LSM12: variants seen among roughly 807,000 people sequenced by gnomAD.
LSM12 encodes the protein protein LSM12.
For missense variants in LSM12, 108 were observed against 238.9 expected, an observed-to-expected ratio of 0.45 and a Z score of 3.61; for synonymous variants, 74 against 87.3, an observed-to-expected ratio of 0.85 and a Z score of 0.85.
chr17:44,064,592 G>A (rs1475069230), intron 1 of LSM12, among the ~76,000 whole-genome samples: 1 of 152,132 alleles, frequency 6.6e-6, no homozygotes, highest in Non-Finnish European at 1.5e-5. Context: ...AATTAGCCGG[G>A]TGTGGTGGCA....
intron 2 of LSM12, among the ~76,000 whole-genome samples, chr17:44,060,862 C>T (rs1481906930): frequency 6.6e-6 from 1 of 152,294 alleles, no homozygotes; most frequent in South Asian, 2.1e-4. Flanking sequence ...ACTACCCCAC[C>T]CCCTCTAAAT....
upstream of LSM12, chr17:44,067,355 G>A (rs138250105): frequency 2.5e-4 from 38 of 152,340 alleles, no homozygotes; most frequent in Admixed American, 6.5e-4. Flanking sequence ...ATAGTGGAAA[G>A]AACATTGGCT....
In LSM12 at chr17:44,037,505, G is replaced by A. The variant is rs774391850; in HGVS notation, c.402C>T (p.Ile134=). The stretch of plus-strand genomic sequence containing the variant: ...TAATAACAACTTCTTCCATGACTAC[G>A]ATGTTTTTTTCTTGCCATTTACAGT... ...IKDCKWQEKN[I]VVMEEVVITP... The change falls in exon 4 of 5, where the codon ATC becomes ATT. Residue 134 remains isoleucine (I), a synonymous_variant. Transcript: ENST00000293406. The A allele has an allele frequency of 1.2e-5, 19 of 1,609,852 alleles. No individual in the cohort carries two copies. Among genetic ancestry groups the A allele is most frequent in the Non-Finnish European group, 1.4e-5 (16 of 1,178,388 alleles).
chr17:44,065,131 C>T (rs2049854562), intron 1 of LSM12, among the ~76,000 whole-genome samples: 1 of 147,280 alleles, frequency 6.8e-6, no homozygotes, highest in South Asian at 2.2e-4. Flanking sequence ...GAAACTCCGT[C>T]TCAAAAAACA....
intron 2 of LSM12, among the ~76,000 whole-genome samples, chr17:44,062,978 G>C (rs896777699): frequency 1.3e-5 from 2 of 151,990 alleles, no homozygotes; most frequent in Admixed American, 1.3e-4. Flanking sequence ...GCTGAGGCAC[G>C]AGAATCACTT....
chr17:44,047,879 G>A (rs955891986), intron 2 of LSM12, among the ~76,000 whole-genome samples: 27 of 151,786 alleles, frequency 1.8e-4, no homozygotes, highest in Middle Eastern at 3.4e-3. Context: ...CACCAAGCCC[G>A]GGCTGCCTTA....
intron 3 of LSM12, among the ~76,000 whole-genome samples, chr17:44,037,995 T>A (rs2144064791): frequency 6.6e-6 from 1 of 152,286 alleles, no homozygotes; most frequent in Admixed American, 6.5e-5. Flanking sequence ...GATGAGCAGA[T>A]GTGGCCTGCT....
chr17:44,050,117 G>T (rs982103970), intron 2 of LSM12, among the ~76,000 whole-genome samples: 1 of 151,930 alleles, frequency 6.6e-6, no homozygotes, highest in African/African-American at 2.4e-5. Context: ...TTATTTTTTT[G>T]AGATGGAGTT....
chr17:44,038,891 A>G (rs1369590384), intron 3 of LSM12, among the ~76,000 whole-genome samples: 1 of 151,908 alleles, frequency 6.6e-6, no homozygotes, highest in Non-Finnish European at 1.5e-5. Context: ...ACAGCCTCAA[A>G]CAGCTCTGAT....
intron 3 of LSM12, among the ~76,000 whole-genome samples, chr17:44,037,891 A>T (rs888745126): frequency 6.6e-6 from 1 of 152,224 alleles, no homozygotes; most frequent in Non-Finnish European, 1.5e-5. Context: ...TCTTGTAACA[A>T]ACATTTTAGG....
At chr17:44,042,345 A>C (rs1230188639) in intron 2 of LSM12, among the ~76,000 whole-genome samples, 4 of 152,106 alleles carry the variant, frequency 2.6e-5, no homozygotes, top group African/African-American at 9.7e-5. Context: ...TAATGCTTGG[A>C]ATCTTCAAAC....
At position 44,061,242 on chromosome 17, in the gene LSM12, G is replaced by A. The variant is rs1194803354; in HGVS notation, c.258+2559C>T. 3.3e-5 allele frequency among the ~76,000 whole-genome samples: 5 copies of A among 151,374 alleles called. No homozygotes were observed. The East Asian group carries it at 7.7e-4, about 23-fold the overall frequency. ...TGAGGCAGGAGAATCACTTGAACCC[G>A]GGAGGCGGAGGTTGCGGTGAGCCGA... On this transcript the variant is annotated intron_variant, in intron 2 of 4. Transcript: ENST00000293406.
rs140148362 is a variant in LSM12, at chr17:44,042,211, C to T, written c.259-1955G>A. 3.9e-3 allele frequency among the ~76,000 whole-genome samples: 595 copies of T among 151,804 alleles called. 4 individuals carry two copies. The highest frequency in any genetic ancestry group is 0.013 in the African/African-American group (559 of 41,422). Reference sequence around the variant, plus strand: ...CTGAGACAGGAGAATCGCTTGAACACGGGAGGCAGAGACTGCAGTGAGCCG... The same window carrying T: ...CTGAGACAGGAGAATCGCTTGAACATGGGAGGCAGAGACTGCAGTGAGCCG... On this transcript the variant is annotated intron_variant, in intron 2 of 4. Transcript: ENST00000293406.
chr17:44,053,173 C>G lies in LSM12; in HGVS notation c.258+10628G>C, dbSNP rs867547323. Among the ~76,000 whole-genome samples the G allele has an allele frequency of 3.3e-5, 5 of 152,302 alleles. No individual in the cohort carries two copies. In the South Asian group the frequency reaches 6.2e-4, roughly 19 times the overall value. ...TGTCTTCCCTAAAATGCTCACTACT[C>G]TATACCAAGGGTTGGCAAACAGCCT... On this transcript the variant is annotated intron_variant, in intron 2 of 4. Transcript: ENST00000293406.
intron 2 of LSM12, among the ~76,000 whole-genome samples, chr17:44,046,378 A>G (rs1001106521): frequency 2.0e-5 from 3 of 152,114 alleles, no homozygotes; most frequent in Non-Finnish European, 4.4e-5. Flanking sequence ...TAATTTTTAA[A>G]GTAATTGTTT....
upstream of LSM12, chr17:44,067,478 CT>C (rs1169014341): frequency 6.6e-6 from 1 of 152,208 alleles, no homozygotes; most frequent in Non-Finnish European, 1.5e-5. Flanking sequence ...TGTATTGTCA[CT>C]TCTTGAGCAT....
chr17:44,052,190 C>A lies in LSM12; in HGVS notation c.258+11611G>T, dbSNP rs559405737. Among the ~76,000 whole-genome samples, 299 of 150,990 alleles carry A rather than the reference C, an allele frequency of 2.0e-3. 1 individual carries two copies. The highest frequency in any genetic ancestry group is 6.9e-3 in the African/African-American group (282 of 41,100). On this transcript the variant is annotated intron_variant, in intron 2 of 4. Transcript: ENST00000293406. ...GGTCGAGGCTGCAGTGAGCTATGAT[C>A]ATGTCACTGCATCCCAGTCTGGGCA...
chr17:44,064,918 G>A (rs1228326742), intron 1 of LSM12, among the ~76,000 whole-genome samples: 3 of 152,038 alleles, frequency 2.0e-5, no homozygotes, highest in Admixed American at 2.0e-4. Context: ...TGGATCACGA[G>A]GTCAGGAGAT....
intron 3 of LSM12, among the ~76,000 whole-genome samples, chr17:44,039,676 C>G (rs908986002): frequency 2.6e-5 from 4 of 152,178 alleles, no homozygotes; most frequent in Non-Finnish European, 5.9e-5. Context: ...CCACCGCGCC[C>G]GGCCCCAAAA....
Sources: gnomAD v4.1 joint callset for allele counts (sites outside exome capture counted in the v4.1 genomes callset) on GRCh38, gnomAD v4.1.1 for gene constraint, MANE v1.5 for transcripts, NCBI Gene and HGNC (gene_info 2026-07-23, HGNC 2026-07-21) for gene names.